The following DPYD variants were observed in gnomAD, a reference collection of about 807,000 sequenced individuals.
DPYD encodes dihydropyrimidine dehydrogenase.
A neutral mutation model predicts 116.2 loss-of-function variants in DPYD; 109 were observed. The ratio of observed to expected loss-of-function variants is 0.94; its 90% CI spans 0.80 to 1.10. The LOEUF (loss-of-function observed/expected upper bound fraction) is 1.10, where lower values mean the gene tolerates loss of function less well. Ranked by LOEUF, DPYD falls within the 50% of genes least tolerant of loss-of-function variation. The probability of loss-of-function intolerance (pLI) is 0.00; values close to 1 mark genes in which losing one functional copy is unlikely to be tolerated. For missense variants in DPYD, 1,302 were observed against 1,254.5 expected (o/e 1.04, Z -0.57); for synonymous variants, 440 against 432.0 (o/e 1.02, Z -0.23).
chr1:97,678,304 G>C (rs72975800), intron 8 of DPYD, among the ~76,000 whole-genome samples: 1 of 152,104 alleles, frequency 6.6e-6, no homozygotes, highest in South Asian at 2.1e-4. Context: ...AGTAATGCTC[G>C]CTTGCCCACT....
At chr1:97,438,996 T>C (rs567059352) in intron 14 of DPYD, among the ~76,000 whole-genome samples, 167 of 152,274 alleles carry the variant, frequency 1.1e-3, no homozygotes, top group Admixed American at 3.0e-3. Context: ...TTTAGTATGA[T>C]ATTAGTTGTA....
intron 14 of DPYD, among the ~76,000 whole-genome samples, chr1:97,386,485 A>G (rs1672355832): frequency 6.6e-6 from 1 of 152,140 alleles, no homozygotes; most frequent in African/African-American, 2.4e-5. Context: ...TGGGTGCCTC[A>G]CTAACATATC....
At chr1:97,709,723 A>G (rs1662182241) in intron 5 of DPYD, among the ~76,000 whole-genome samples, 2 of 152,040 alleles carry the variant, frequency 1.3e-5, no homozygotes, top group East Asian at 1.9e-4. Context: ...ATCATTATAT[A>G]GTGTTCTATA....
chr1:97,686,034 G>GC (rs1660708931), intron 7 of DPYD, among the ~76,000 whole-genome samples: 5 of 152,004 alleles, frequency 3.3e-5, no homozygotes, highest in Non-Finnish European at 7.4e-5. Context: ...ACAATCCTAA[G>GC]CCAAAAGAAC....
At chr1:97,378,681 G>A (rs566270685) in intron 15 of DPYD, among the ~76,000 whole-genome samples, 14 of 152,228 alleles carry the variant, frequency 9.2e-5, no homozygotes, top group African/African-American at 2.6e-4. Context: ...GGCAATACTC[G>A]AACTGTATAC....
At chr1:97,880,742 T>G (rs1157453589) in intron 2 of DPYD, among the ~76,000 whole-genome samples, 1 of 152,004 alleles carries the variant, frequency 6.6e-6, no homozygotes, top group South Asian at 2.1e-4. Context: ...TTTGTTCTTT[T>G]GTGCATATAT....
intron 4 of DPYD, among the ~76,000 whole-genome samples, chr1:97,737,860 T>G (rs1174832655): frequency 6.6e-6 from 1 of 152,192 alleles, no homozygotes; most frequent in East Asian, 1.9e-4. Context: ...TTTCTGCTGC[T>G]TCGATTTTGT....
intron 10 of DPYD, among the ~76,000 whole-genome samples, chr1:97,588,374 T>G (rs11806109): frequency 6.6e-6 from 1 of 151,928 alleles, no homozygotes; most frequent in South Asian, 2.1e-4. Flanking sequence ...ATTGTGCTAT[T>G]AAAAGTAAAT....
At chr1:97,719,925 T>C (rs377456195) in intron 5 of DPYD, 1 of 984,968 alleles carries the variant, frequency 1.0e-6, no homozygotes, top group Non-Finnish European at 1.2e-6. Flanking sequence ...CTTCATTAGG[T>C]GATACTTATG....
chr1:97,097,512 A>G (rs1200781878), intron 21 of DPYD, among the ~76,000 whole-genome samples: 10 of 152,142 alleles, frequency 6.6e-5, no homozygotes, highest in African/African-American at 2.4e-4. Context: ...GTAACTGCAA[A>G]CTACATTTTA....
At chr1:97,692,696 A>AT (rs1454767084) in intron 6 of DPYD, among the ~76,000 whole-genome samples, 1 of 152,214 alleles carries the variant, frequency 6.6e-6, no homozygotes, top group Non-Finnish European at 1.5e-5. Context: ...CTCACTGTTA[A>AT]TAAGTTCTTT....
intron 16 of DPYD, among the ~76,000 whole-genome samples, chr1:97,335,723 A>G (rs550425625): frequency 1.3e-5 from 2 of 152,298 alleles, no homozygotes; most frequent in South Asian, 2.1e-4. Flanking sequence ...GTATCAAAAT[A>G]ACTCTAAATT....
At chr1:97,264,162 GTTTTTTTT>G (rs71071641) in intron 18 of DPYD, among the ~76,000 whole-genome samples, 7 of 60,088 alleles carry the variant, frequency 1.2e-4, no homozygotes, top group African/African-American at 2.4e-4. Context: ...GCAAAATTCT[GTTTTTTTT>G]TTTTTTTTTT....
chr1:97,098,506 GC>G lies in DPYD; in HGVS notation c.2748del (p.Arg916SerfsTer9), dbSNP rs1057517230. On this transcript the variant is annotated frameshift_variant, in exon 21 of 23. Transcript: ENST00000370192. LOFTEE classifies it high-confidence loss of function. ...PLKRNCFIPK[R>X]PIPTIKDVIG... ...ATTTTTACCTTGATGGTAGGAATAGGCCTTTTGGGGATAAAACAGTTTCTCT... is the reference window on the plus strand; with the variant it reads ...ATTTTTACCTTGATGGTAGGAATAGGCTTTTGGGGATAAAACAGTTTCTCT... 6.2e-7 allele frequency: 1 copy of G among 1,612,810 alleles called. No homozygotes were observed. Among genetic ancestry groups the G allele is most frequent in the Admixed American group, 1.7e-5 (1 of 59,954 alleles).
rs374466952 is a variant in DPYD, at chr1:97,661,990, CTTT to C, written c.850+17102_850+17104del. Reference sequence around the variant, plus strand: ...GAAATATTTAGTATTTCCAAGTCAACTTTTTTTTTTTTTTTTTTTTTTTTTACG... The same window carrying C: ...GAAATATTTAGTATTTCCAAGTCAACTTTTTTTTTTTTTTTTTTTTTTACG... On this transcript the variant is annotated intron_variant, in intron 8 of 22. Transcript: ENST00000370192. 5.9e-3 allele frequency among the ~76,000 whole-genome samples: 684 copies of C among 116,544 alleles called. 5 individuals carry two copies. Among genetic ancestry groups the C allele is most frequent in the African/African-American group, 0.021 (648 of 31,596 alleles). 76.5% of individuals were successfully genotyped at this position (116,544 alleles called of 152,430 possible).
At chr1:97,596,260 T>TA (rs35303001) in intron 8 of DPYD, among the ~76,000 whole-genome samples, 11 of 152,124 alleles carry the variant, frequency 7.2e-5, no homozygotes, top group Admixed American at 1.3e-4. Flanking sequence ...TCAAATTTTG[T>TA]AAAAAAATGT....
intron 8 of DPYD, among the ~76,000 whole-genome samples, chr1:97,610,929 A>C (rs1428950910): frequency 6.6e-6 from 1 of 151,926 alleles, no homozygotes; most frequent in Non-Finnish European, 1.5e-5. Context: ...TACCAGTTTT[A>C]GTTTCATATC....
intron 20 of DPYD, among the ~76,000 whole-genome samples, chr1:97,113,801 T>C (rs1051882623): frequency 2.0e-5 from 3 of 152,134 alleles, no homozygotes; most frequent in African/African-American, 7.2e-5. Context: ...AAATATGTTG[T>C]TTAAAATATT....
intron 3 of DPYD, among the ~76,000 whole-genome samples, chr1:97,799,092 T>G (rs1056935812): frequency 6.6e-6 from 1 of 151,970 alleles, no homozygotes; most frequent in African/African-American, 2.4e-5. Context: ...GAGTCCTGTA[T>G]AGTCTTGTAA....
Sources: allele counts gnomAD v4.1 joint callset (sites outside exome capture counted in the v4.1 genomes callset), GRCh38; gene constraint gnomAD v4.1.1; transcripts MANE v1.5; gene names NCBI Gene and HGNC (gene_info 2026-07-23, HGNC 2026-07-21).